The following RARB variants were observed in gnomAD, a reference collection of about 807,000 sequenced individuals.
RARB encodes HBV-activated protein.
A neutral mutation model predicts 51.9 loss-of-function variants in RARB; 17 were observed. The observed-to-expected ratio is 0.33, with a 90% CI of 0.22 to 0.49. The LOEUF is 0.49. Ranked by LOEUF, RARB falls within the 20% of genes least tolerant of loss-of-function variation. The pLI is 0.99. For synonymous variants in RARB, 215 were observed against 195.4 expected (o/e 1.10, Z -0.84); for missense variants, 369 against 550.8 (o/e 0.67, Z 3.30).
intron 5 of RARB, among the ~76,000 whole-genome samples, chr3:25,343,889 A>C (rs893980500): frequency 1.3e-5 from 2 of 152,216 alleles, no homozygotes; most frequent in Non-Finnish European, 2.9e-5. Flanking sequence ...AGGAACTAAA[A>C]GGAAAGAGGA....
At chr3:25,195,917 A>C (rs897894440) in intron 5 of RARB, among the ~76,000 whole-genome samples, 1 of 151,968 alleles carries the variant, frequency 6.6e-6, no homozygotes, top group Non-Finnish European at 1.5e-5. Context: ...TTATGGCTCT[A>C]TTTTAAATCA....
chr3:25,382,928 C>T lies in RARB; in HGVS notation c.179-78265C>T, dbSNP rs573267009. 3.3e-5 allele frequency among the ~76,000 whole-genome samples: 5 copies of T among 152,252 alleles called. No individual in the cohort carries two copies. In the East Asian group the frequency reaches 9.7e-4, roughly 29 times the overall value. On this transcript the variant is annotated intron_variant, in intron 5 of 11. Transcript: ENST00000383772. The stretch of plus-strand genomic sequence containing the variant: ...AGCTGCTGAAGACTTCCCAAAGCAA[C>T]AGTAGATCGTGGGTCATAACTTTCC...
At chr3:25,145,950 T>A (rs1393180196) in intron 4 of RARB, among the ~76,000 whole-genome samples, 1 of 151,318 alleles carries the variant, frequency 6.6e-6, no homozygotes, top group African/African-American at 2.4e-5. Context: ...TGCAGTGAGG[T>A]GAGATCACGC....
intron 5 of RARB, among the ~76,000 whole-genome samples, chr3:25,392,156 C>T (rs1706981268): frequency 6.6e-6 from 1 of 152,082 alleles, no homozygotes; most frequent in Non-Finnish European, 1.5e-5. Flanking sequence ...GTGTCCTTTC[C>T]CCACTTTGCT....
intron 2 of RARB, among the ~76,000 whole-genome samples, chr3:25,050,432 T>G (rs2125299341): frequency 6.6e-6 from 1 of 151,668 alleles, no homozygotes; most frequent in South Asian, 2.1e-4. Flanking sequence ...GGCTCATGAT[T>G]TAAAAAAAAA....
chr3:25,476,104 A>G (rs927548297), intron 2 of RARB, among the ~76,000 whole-genome samples: 3 of 152,168 alleles, frequency 2.0e-5, no homozygotes, highest in Non-Finnish European at 4.4e-5. Flanking sequence ...GTATCTTTCT[A>G]CTGAATCTCA....
At chr3:25,398,465 T>C (rs986213084) in intron 5 of RARB, among the ~76,000 whole-genome samples, 10 of 152,220 alleles carry the variant, frequency 6.6e-5, no homozygotes, top group African/African-American at 2.4e-4. Context: ...GTGCCCAACT[T>C]TACAAGGTAT....
intron 2 of RARB, among the ~76,000 whole-genome samples, chr3:24,901,688 C>T (rs1703609892): frequency 6.6e-6 from 1 of 152,210 alleles, no homozygotes. Context: ...TCCATTAGCT[C>T]TCCTTTCTCC....
At chr3:25,310,874 A>G (rs531497341) in intron 5 of RARB, among the ~76,000 whole-genome samples, 3 of 152,200 alleles carry the variant, frequency 2.0e-5, no homozygotes, top group Non-Finnish European at 4.4e-5. Context: ...GCCATGAGAT[A>G]TAGCCAGAAT....
At chr3:25,580,978 T>C (rs1474098193) in intron 5 of RARB, among the ~76,000 whole-genome samples, 2 of 152,286 alleles carry the variant, frequency 1.3e-5, no homozygotes, top group Non-Finnish European at 2.9e-5. Flanking sequence ...TACAGGTGAA[T>C]GCTGGTCTGT....
intron 5 of RARB, among the ~76,000 whole-genome samples, chr3:25,333,797 C>T (rs1704976620): frequency 6.6e-6 from 1 of 152,140 alleles, no homozygotes; most frequent in Non-Finnish European, 1.5e-5. Flanking sequence ...GGGCTAATGT[C>T]CAGAATCTAC....
intron 2 of RARB, among the ~76,000 whole-genome samples, chr3:25,029,984 A>G (rs1697834813): frequency 1.3e-5 from 2 of 152,214 alleles, no homozygotes; most frequent in African/African-American, 2.4e-5. Flanking sequence ...CAGGCAAGAC[A>G]AATCACATCC....
chr3:25,219,899 A>G (rs1701909194), intron 5 of RARB, among the ~76,000 whole-genome samples: 1 of 152,258 alleles, frequency 6.6e-6, no homozygotes, highest in Admixed American at 6.5e-5. Flanking sequence ...CTAAGAGCAG[A>G]AATGGAAGTA....
chr3:25,070,171 C>T (rs1464295348), intron 3 of RARB, among the ~76,000 whole-genome samples: 2 of 152,174 alleles, frequency 1.3e-5, no homozygotes, highest in African/African-American at 4.8e-5. Context: ...TGGCGTTCTC[C>T]CTGTGTGTCT....
At chr3:25,050,729 A>G (rs1175214588) in intron 2 of RARB, among the ~76,000 whole-genome samples, 1 of 152,176 alleles carries the variant, frequency 6.6e-6, no homozygotes, top group Non-Finnish European at 1.5e-5. Flanking sequence ...TTCATGTCAC[A>G]TTTGTGTGCT....
intron 3 of RARB, among the ~76,000 whole-genome samples, chr3:25,543,980 T>C (rs971140918): frequency 1.3e-5 from 2 of 152,224 alleles, no homozygotes; most frequent in African/African-American, 4.8e-5. Context: ...TGTATAAAGA[T>C]GTTCATTGCA....
upstream of RARB, among the ~76,000 whole-genome samples, chr3:25,423,277 C>G (rs1707907369): frequency 6.6e-6 from 1 of 152,192 alleles, no homozygotes; most frequent in Non-Finnish European, 1.5e-5. Flanking sequence ...CTTCTTTGCA[C>G]TAACCTAATA....
intron 2 of RARB, among the ~76,000 whole-genome samples, chr3:24,954,229 A>G (rs1350790211): frequency 1.3e-5 from 2 of 152,186 alleles, no homozygotes; most frequent in South Asian, 2.1e-4. Context: ...ATACATATAC[A>G]TGTTTTATAA....
chr3:25,098,528 A>G (rs899119502), intron 3 of RARB, among the ~76,000 whole-genome samples: 1 of 152,182 alleles, frequency 6.6e-6, no homozygotes, highest in Admixed American at 6.5e-5. Context: ...CTTCATTGTA[A>G]AGGATTGCTG....
Sources: gnomAD v4.1 joint callset for allele counts (sites outside exome capture counted in the v4.1 genomes callset) on GRCh38, gnomAD v4.1.1 for gene constraint, MANE v1.5 for transcripts, NCBI Gene and HGNC (gene_info 2026-07-23, HGNC 2026-07-21) for gene names.